Variants in CSMD1 observed in about 807,000 individuals in gnomAD.
The protein encoded by CSMD1 is CUB and sushi domain-containing protein 1.
A neutral mutation model predicts 417.5 loss-of-function variants in CSMD1; 213 were observed. That is an observed-to-expected ratio of 0.51 (90% CI 0.46 to 0.57). The LOEUF (loss-of-function observed/expected upper bound fraction) is 0.57. CSMD1 is among the 20% of genes least tolerant of loss of function. The pLI is 0.00. For synonymous variants in CSMD1, 2,862 were observed against 1,736.8 expected, an observed-to-expected ratio of 1.65 and a Z score of -16.11; for missense variants, 6,923 against 4,529.7, an observed-to-expected ratio of 1.53 and a Z score of -15.17.
intron 26 of CSMD1, among the ~76,000 whole-genome samples, chr8:3,244,959 T>C (rs1006312654): frequency 6.6e-6 from 1 of 152,140 alleles, no homozygotes; most frequent in South Asian, 2.1e-4. Flanking sequence ...CCTGAAGTTA[T>C]TTTTTGGCTA....
At chr8:4,384,830 G>A (rs1202329732) in intron 3 of CSMD1, among the ~76,000 whole-genome samples, 1 of 152,168 alleles carries the variant, frequency 6.6e-6, no homozygotes, top group Non-Finnish European at 1.5e-5. Flanking sequence ...TACCTAATTT[G>A]AGTAGAGAAA....
intron 10 of CSMD1, among the ~76,000 whole-genome samples, chr8:3,530,568 C>T (rs80219245): frequency 0.024 from 3,707 of 152,284 alleles, 141 homozygotes; most frequent in African/African-American, 0.084. Context: ...GTTCCCCAAG[C>T]TGGAATGCAG....
At chr8:4,559,193 G>C (rs1798221270) in intron 2 of CSMD1, among the ~76,000 whole-genome samples, 1 of 152,118 alleles carries the variant, frequency 6.6e-6, no homozygotes, top group African/African-American at 2.4e-5. Flanking sequence ...GCATATGCTG[G>C]CTTTAGTCTC....
At chr8:3,994,310 T>A (rs898081936) in intron 5 of CSMD1, among the ~76,000 whole-genome samples, 1 of 152,094 alleles carries the variant, frequency 6.6e-6, no homozygotes, top group African/African-American at 2.4e-5. Flanking sequence ...CAGCCAAGAC[T>A]ATACAACCTT....
chr8:3,808,634 T>C (rs777408200), intron 5 of CSMD1, among the ~76,000 whole-genome samples: 2 of 152,194 alleles, frequency 1.3e-5, no homozygotes, highest in Non-Finnish European at 2.9e-5. Context: ...GCATCAGAGA[T>C]AGTTCCTGAG....
Position 3,934,005 on chromosome 8 carries a change from C to T in CSMD1, c.818+63898G>A, listed in dbSNP as rs1810320132. ...GTGGCAAACCCATGGCAAATATTCG[C>T]CTAAGGCCTGAATCCACAATGAGTA... On this transcript the variant is annotated intron_variant, in intron 5 of 69. Transcript: ENST00000635120. Among the ~76,000 whole-genome samples, 5 of 152,088 alleles carry T rather than the reference C, an allele frequency of 3.3e-5. 1 individual carries two copies. In the South Asian group the frequency reaches 1.0e-3, roughly 32 times the overall value.
intron 5 of CSMD1, among the ~76,000 whole-genome samples, chr8:3,900,529 G>C (rs1027863072): frequency 6.6e-6 from 1 of 151,974 alleles, no homozygotes; most frequent in Non-Finnish European, 1.5e-5. Context: ...CACTACAGCT[G>C]GGTGACAGTG....
At chr8:3,940,983 T>C (rs1187330826) in intron 5 of CSMD1, among the ~76,000 whole-genome samples, 2 of 150,846 alleles carry the variant, frequency 1.3e-5, no homozygotes, top group Non-Finnish European at 3.0e-5. Flanking sequence ...TCTACTGTTT[T>C]TATTTTTTGG....
At chr8:4,421,331 G>C (rs1252036650) in intron 2 of CSMD1, among the ~76,000 whole-genome samples, 2 of 152,106 alleles carry the variant, frequency 1.3e-5, no homozygotes, top group Non-Finnish European at 2.9e-5. Flanking sequence ...CTATATAACA[G>C]TATTTAATCA....
At chr8:3,662,231 T>C (rs2117459964) in intron 7 of CSMD1, among the ~76,000 whole-genome samples, 1 of 152,378 alleles carries the variant, frequency 6.6e-6, no homozygotes, top group East Asian at 1.9e-4. Context: ...AAACACAGTA[T>C]GTTCAACTAT....
At chr8:4,815,694 C>CAAAAAAAAAAAAAAA (rs1218931391) in intron 1 of CSMD1, among the ~76,000 whole-genome samples, 1 of 67,634 alleles carries the variant, frequency 1.5e-5, no homozygotes, top group Non-Finnish European at 2.9e-5. Flanking sequence ...AAAGCTGTCT[C>CAAAAAAAAAAAAAAA]AAAAAAAAAA....
intron 5 of CSMD1, among the ~76,000 whole-genome samples, chr8:3,806,550 G>T: frequency 6.6e-6 from 1 of 152,104 alleles, no homozygotes; most frequent in Non-Finnish European, 1.5e-5. Context: ...CTACCTACAC[G>T]CACACTTATC....
chr8:3,225,165 C>A (rs10091165), intron 27 of CSMD1, among the ~76,000 whole-genome samples: 16,885 of 151,996 alleles, frequency 0.11, 1,240 homozygotes, highest in Admixed American at 0.17. Context: ...ATAAGGAGTG[C>A]CTCTTTAAAT....
chr8:3,911,399 G>T (rs542824799), intron 5 of CSMD1, among the ~76,000 whole-genome samples: 4 of 151,876 alleles, frequency 2.6e-5, no homozygotes, highest in African/African-American at 7.2e-5. Flanking sequence ...ATGGTGGCGG[G>T]CGCCTGTGAT....
chr8:3,454,899 C>T (rs1006378791), intron 12 of CSMD1, among the ~76,000 whole-genome samples: 2 of 152,202 alleles, frequency 1.3e-5, no homozygotes, highest in African/African-American at 4.8e-5. Context: ...TAACATCCTG[C>T]AGAGTGTTTT....
At chr8:4,529,724 G>A (rs1277199274) in intron 2 of CSMD1, among the ~76,000 whole-genome samples, 2 of 151,930 alleles carry the variant, frequency 1.3e-5, no homozygotes, top group East Asian at 1.9e-4. Flanking sequence ...CTACTATGGG[G>A]TTCTTACAAA....
chr8:3,200,696 C>A (rs1227883085), intron 32 of CSMD1, among the ~76,000 whole-genome samples: 2 of 151,988 alleles, frequency 1.3e-5, no homozygotes, highest in South Asian at 4.1e-4. Flanking sequence ...CAATGTGTTA[C>A]TAATAATCAA....
chr8:3,297,076 A>T (rs1186626716), intron 25 of CSMD1, among the ~76,000 whole-genome samples: 1 of 152,252 alleles, frequency 6.6e-6, no homozygotes, highest in Non-Finnish European at 1.5e-5. Flanking sequence ...TATGTTTGCC[A>T]TTAAGCAGAA....
intron 7 of CSMD1, among the ~76,000 whole-genome samples, chr8:3,703,784 C>T (rs919028219): frequency 5.1e-4 from 78 of 152,174 alleles, no homozygotes; most frequent in Middle Eastern, 6.8e-3. Flanking sequence ...ATAAACTTAA[C>T]TCTCAGCTGG....
Sources: allele counts gnomAD v4.1 joint callset (sites outside exome capture counted in the v4.1 genomes callset), GRCh38; gene constraint gnomAD v4.1.1; transcripts MANE v1.5; gene names NCBI Gene and HGNC (gene_info 2026-07-23, HGNC 2026-07-21).